The following RCL1 variants were observed in gnomAD, a reference collection of about 807,000 sequenced individuals.
RCL1 encodes the protein RNA terminal phosphate cyclase like 1, also known as RNA 3'-terminal phosphate cyclase-like protein.
Under a neutral mutation model 42.4 loss-of-function variants are expected in RCL1, and 24 were observed. The observed-to-expected ratio is 0.57, with a 90% CI of 0.41 to 0.80. The LOEUF is 0.80. Among genes scored for constraint, RCL1 ranks in the 30% least tolerant of loss-of-function variants. The pLI is 0.00. For synonymous variants in RCL1, 228 were observed against 177.3 expected, an observed-to-expected ratio of 1.29 and a Z score of -2.27; for missense variants, 578 against 467.9, an observed-to-expected ratio of 1.24 and a Z score of -2.17.
At chr9:4,817,845 T>C (rs1408025180) in intron 1 of RCL1, among the ~76,000 whole-genome samples, 2 of 151,876 alleles carry the variant, frequency 1.3e-5, no homozygotes, top group Admixed American at 1.3e-4. Flanking sequence ...CATTTTTCTT[T>C]ACTGTTTGGC....
intron 1 of RCL1, among the ~76,000 whole-genome samples, chr9:4,796,882 T>C (rs1842922406): frequency 1.3e-5 from 2 of 152,222 alleles, no homozygotes; most frequent in Non-Finnish European, 2.9e-5. Flanking sequence ...TTCCTCTGGG[T>C]AGATACCCAG....
chr9:4,819,792 C>A (rs1373670879), intron 1 of RCL1, among the ~76,000 whole-genome samples: 1 of 152,178 alleles, frequency 6.6e-6, no homozygotes, highest in South Asian at 2.1e-4. Flanking sequence ...GGTGACAGAG[C>A]GAGACTCCGT....
Position 4,849,660 on chromosome 9 carries a change from G to A in RCL1, c.971+110G>A, listed in dbSNP as rs528978875. On this transcript the variant is annotated intron_variant, in intron 8 of 8. Transcript: ENST00000381750. ...GAGCCTGCACTATGAACACCTGCTTGTGTTTATCCTCAAATCAGCCAGCAG... is the reference window on the plus strand; with the variant it reads ...GAGCCTGCACTATGAACACCTGCTTATGTTTATCCTCAAATCAGCCAGCAG... 28 of 725,364 alleles carry A rather than the reference G, an allele frequency of 3.9e-5. No individual in the cohort carries two copies. The Admixed American group carries it at 4.1e-4, about 11-fold the overall frequency. 44.9% of individuals were successfully genotyped at this position (725,364 alleles called of 1,614,324 possible).
chr9:4,827,132 C>T, intron 3 of RCL1, 99 bp downstream of exon 3: 1 of 1,570,544 alleles, frequency 6.4e-7, no homozygotes, highest in Non-Finnish European at 8.6e-7. Context: ...AGTTTTATTA[C>T]AAATGTATAT....
At position 4,800,317 on chromosome 9, in the gene RCL1, C is replaced by T. The variant is rs764536068; in HGVS notation, c.136+7090C>T. Among the ~76,000 whole-genome samples, 3 of 151,952 alleles carry T rather than the reference C, an allele frequency of 2.0e-5. No individual in the cohort carries two copies. The South Asian group carries it at 6.2e-4, about 31-fold the overall frequency. ...GCACCCTCCCACTCCCGGGTTCAGG[C>T]GATTCTCCCACCTCAGCTTCCCGAG... is the stretch of plus-strand genomic sequence containing the variant. On this transcript the variant is annotated intron_variant, in intron 1 of 8. Coordinates refer to ENST00000381750, the MANE Select transcript of RCL1 (RefSeq NM_005772.5).
chr9:4,839,101 A>G (rs1222815272), intron 5 of RCL1, among the ~76,000 whole-genome samples: 1 of 152,246 alleles, frequency 6.6e-6, no homozygotes, highest in Admixed American at 6.5e-5. Flanking sequence ...ATCTGATTCT[A>G]GAACTTGGGG....
chr9:4,852,538 G>T lies in RCL1; in HGVS notation c.971+2988G>T, dbSNP rs142898439. On this transcript the variant is annotated intron_variant, in intron 8 of 8. Coordinates refer to ENST00000381750, the MANE Select transcript of RCL1 (RefSeq NM_005772.5). ...ATCTGGACTTAAGGCTCTACCACGC[G>T]CTACCAGGAGACCGTGGAAATGGTA... 2.6e-5 allele frequency among the ~76,000 whole-genome samples: 4 copies of T among 152,296 alleles called. No individual in the cohort carries two copies. In the East Asian group the frequency reaches 7.7e-4, roughly 29 times the overall value.
chr9:4,842,922 C>T (rs1817384951), intron 6 of RCL1, among the ~76,000 whole-genome samples: 1 of 152,178 alleles, frequency 6.6e-6, no homozygotes, highest in African/African-American at 2.4e-5. Context: ...ATCCTGCCAC[C>T]AGCTTATAGT....
chr9:4,815,244 A>G (rs749124037), intron 1 of RCL1, among the ~76,000 whole-genome samples: 4 of 152,092 alleles, frequency 2.6e-5, no homozygotes, highest in Admixed American at 6.5e-5. Flanking sequence ...TCATAACATG[A>G]ACATTTGTTT....
At chr9:4,838,731 C>T (rs561794418) in intron 5 of RCL1, among the ~76,000 whole-genome samples, 1 of 152,248 alleles carries the variant, frequency 6.6e-6, no homozygotes, top group Admixed American at 6.5e-5. Flanking sequence ...TTAGGAGGTT[C>T]ATAAACCTGA....
At chr9:4,827,508 T>G (rs1321367425) in intron 3 of RCL1, among the ~76,000 whole-genome samples, 2 of 152,186 alleles carry the variant, frequency 1.3e-5, no homozygotes, top group Non-Finnish European at 2.9e-5. Context: ...AGTTTGCAGA[T>G]TAGGAAAAGG....
At position 4,826,887 on chromosome 9, in the gene RCL1, C is replaced by T; in HGVS notation, c.238C>T (p.Leu80=). The part of the protein sequence containing the change: ...GTTLYYQPGL[L]YGGSVEHDCS... ...AACCTTATATTATCAGCCTGGCCTC[C>T]TGTATGGTGGATCTGTGGAACATGA... Residue 80 remains leucine, a synonymous_variant, in exon 3 of 9, where the codon CTG becomes TTG. Coordinates refer to ENST00000381750, the MANE Select transcript of RCL1 (RefSeq NM_005772.5). The T allele has an allele frequency of 6.2e-7, 1 of 1,614,074 alleles. No individual in the cohort carries two copies. Among genetic ancestry groups the T allele is most frequent in the African/African-American group, 1.3e-5 (1 of 75,030 alleles).
chr9:4,849,694 CTT>C (rs1817656115), intron 8 of RCL1, 144 bp downstream of exon 8: 3 of 621,112 alleles, frequency 4.8e-6, no homozygotes, highest in Non-Finnish European at 8.6e-6. Context: ...AGTTGTCACT[CTT>C]AACCTGGTGT....
At chr9:4,793,799 T>G (rs1842871621) in intron 1 of RCL1, among the ~76,000 whole-genome samples, 2 of 152,192 alleles carry the variant, frequency 1.3e-5, no homozygotes, top group African/African-American at 4.8e-5. Context: ...TTTTCAGCCG[T>G]GACTGTGATT....
chr9:4,851,250 A>C (rs1817738397), intron 8 of RCL1, among the ~76,000 whole-genome samples: 1 of 152,138 alleles, frequency 6.6e-6, no homozygotes, highest in African/African-American at 2.4e-5. Flanking sequence ...CTCTGAATGG[A>C]GCTTTAAAGG....
chr9:4,812,098 C>G (rs914407811), intron 1 of RCL1, among the ~76,000 whole-genome samples: 38 of 152,100 alleles, frequency 2.5e-4, no homozygotes, highest in African/African-American at 9.2e-4. Flanking sequence ...GGTTATTAAT[C>G]CCTTGTTGGA....
Position 4,834,008 on chromosome 9 carries a change from A to C in RCL1, c.460-133A>C, listed in dbSNP as rs568480820. 1.7e-5 allele frequency: 17 copies of C among 979,818 alleles called. 1 individual carries two copies. The South Asian group carries it at 2.3e-4, about 14-fold the overall frequency. 60.7% of individuals were successfully genotyped at this position (979,818 alleles called of 1,614,324 possible). A position where few individuals can be genotyped will look rare whatever the true frequency, so the allele number is the denominator to read the frequency against. On this transcript the variant is annotated intron_variant, in intron 4 of 8. Coordinates refer to ENST00000381750, the MANE Select transcript of RCL1 (RefSeq NM_005772.5). ...ATAAGGTGCTGTTGGTCTTGAAGGG[A>C]ATGACAGATTGAATATGGAAGAGCT...
At chr9:4,839,229 A>C (rs1817235064) in intron 5 of RCL1, among the ~76,000 whole-genome samples, 1 of 152,206 alleles carries the variant, frequency 6.6e-6, no homozygotes, top group Non-Finnish European at 1.5e-5. Context: ...AGGATTCTGT[A>C]GGCCCTGAAT....
At chr9:4,858,574 A>G (rs1818040990) in intron 8 of RCL1, among the ~76,000 whole-genome samples, 1 of 151,950 alleles carries the variant, frequency 6.6e-6, no homozygotes, top group South Asian at 2.1e-4. Context: ...TCATTCTTTC[A>G]CCTGTGGATA....
Sources: gnomAD v4.1 joint callset for allele counts (sites outside exome capture counted in the v4.1 genomes callset) on GRCh38, gnomAD v4.1.1 for gene constraint, MANE v1.5 for transcripts, NCBI Gene and HGNC (gene_info 2026-07-23, HGNC 2026-07-21) for gene names.